The following IMMP2L variants were observed in gnomAD, a reference collection of about 807,000 sequenced individuals.
IMMP2L encodes the protein inner mitochondrial membrane peptidase subunit 2, also known as mitochondrial inner membrane protease subunit 2.
Under a neutral mutation model 19.3 loss-of-function variants are expected in IMMP2L, and 18 were observed. The ratio of observed to expected loss-of-function variants is 0.93; its 90% confidence interval spans 0.64 to 1.38. The LOEUF (loss-of-function observed/expected upper bound fraction) is 1.38. Ranked by LOEUF, IMMP2L falls within the 40% of genes most tolerant of loss-of-function variation. The pLI, the probability that IMMP2L is intolerant of heterozygous loss-of-function variation, is 0.00. For synonymous variants in IMMP2L, 76 were observed against 73.0 expected (o/e 1.04, Z -0.21); for missense variants, 233 against 218.2 (o/e 1.07, Z -0.43).
chr7:111,540,948 C>T (rs943463266), intron 1 of IMMP2L, among the ~76,000 whole-genome samples: 3 of 152,096 alleles, frequency 2.0e-5, no homozygotes, highest in Non-Finnish European at 2.9e-5. Flanking sequence ...TCTGATACTA[C>T]CTCTCCATGC....
intron 3 of IMMP2L, among the ~76,000 whole-genome samples, chr7:110,968,503 G>A (rs754317238): frequency 2.0e-5 from 3 of 151,994 alleles, no homozygotes; most frequent in South Asian, 2.1e-4. Flanking sequence ...GTGAAACCCC[G>A]TCTCTACAAA....
At chr7:110,851,509 A>C (rs1261170056) in intron 5 of IMMP2L, among the ~76,000 whole-genome samples, 1 of 152,152 alleles carries the variant, frequency 6.6e-6, no homozygotes, top group Non-Finnish European at 1.5e-5. Context: ...TGATTCTGAA[A>C]GACTGAGCAA....
intron 3 of IMMP2L, among the ~76,000 whole-genome samples, chr7:111,444,891 A>G (rs1342023074): frequency 6.6e-6 from 1 of 152,090 alleles, no homozygotes; most frequent in Non-Finnish European, 1.5e-5. Flanking sequence ...TCAGCATAAT[A>G]TCTATTGGAG....
At chr7:111,318,337 G>A (rs1470459637) in intron 3 of IMMP2L, among the ~76,000 whole-genome samples, 2 of 152,084 alleles carry the variant, frequency 1.3e-5, no homozygotes, top group Admixed American at 1.3e-4. Flanking sequence ...AACAGAAAAG[G>A]GGTTGAGCAC....
At chr7:111,009,693 A>C (rs1470721571) in intron 3 of IMMP2L, among the ~76,000 whole-genome samples, 1 of 152,172 alleles carries the variant, frequency 6.6e-6, no homozygotes, top group East Asian at 1.9e-4. Context: ...AAAATGGATA[A>C]AAAAAGGAAG....
chr7:111,140,254 A>C (rs1162272806), intron 3 of IMMP2L, among the ~76,000 whole-genome samples: 3 of 152,096 alleles, frequency 2.0e-5, no homozygotes, highest in Non-Finnish European at 2.9e-5. Flanking sequence ...GACTTCATTA[A>C]ATGTTGGCTT....
At chr7:110,968,899 C>A (rs745609559) in intron 3 of IMMP2L, among the ~76,000 whole-genome samples, 5 of 151,992 alleles carry the variant, frequency 3.3e-5, no homozygotes, top group Non-Finnish European at 5.9e-5. Context: ...ATAATAAATT[C>A]ATAAAGGAGA....
intron 5 of IMMP2L, among the ~76,000 whole-genome samples, chr7:110,787,313 C>T (rs949635282): frequency 2.6e-5 from 4 of 151,894 alleles, no homozygotes; most frequent in Non-Finnish European, 4.4e-5. Context: ...TATAAAGAAC[C>T]TTACAAAGCT....
chr7:110,744,322 T>G (rs1370267349), intron 5 of IMMP2L, among the ~76,000 whole-genome samples: 1 of 152,180 alleles, frequency 6.6e-6, no homozygotes, highest in Non-Finnish European at 1.5e-5. Flanking sequence ...AGGCGCAGCT[T>G]CAGCAGACTT....
chr7:110,920,426 A>G (rs1382463921), intron 4 of IMMP2L, among the ~76,000 whole-genome samples: 1 of 152,168 alleles, frequency 6.6e-6, no homozygotes, highest in Non-Finnish European at 1.5e-5. Flanking sequence ...GGAATTAGGG[A>G]ACATTTCACA....
chr7:110,735,201 G>A (rs1796537502), intron 5 of IMMP2L, among the ~76,000 whole-genome samples: 1 of 152,164 alleles, frequency 6.6e-6, no homozygotes, highest in Admixed American at 6.5e-5. Flanking sequence ...GCCTGCATGT[G>A]CACTAGGAAT....
intron 3 of IMMP2L, among the ~76,000 whole-genome samples, chr7:110,979,143 T>C (rs1820993034): frequency 1.3e-5 from 2 of 152,142 alleles, no homozygotes; most frequent in Admixed American, 6.5e-5. Context: ...ATATTTTACA[T>C]ATAACTTTTC....
In IMMP2L at chr7:110,803,136, T is replaced by C. The variant is rs1268753096; in HGVS notation, c.408+83457A>G. 2.6e-5 allele frequency among the ~76,000 whole-genome samples: 4 copies of C among 152,012 alleles called. No individual in the cohort carries two copies. The highest frequency in any genetic ancestry group is 7.2e-5 in the African/African-American group (3 of 41,408). ...CCTTGAAGGATGTATAGGATTAGGA[T>C]AGGTAAAAAGAGCAGTAATGGAGGG... On this transcript the variant is annotated intron_variant, in intron 5 of 5. Transcript: ENST00000405709. This position sits in a 1 kb window ranked among gnomAD's most constrained non-coding sequence, Gnocchi z 4.2.
intron 3 of IMMP2L, among the ~76,000 whole-genome samples, chr7:111,382,274 G>A (rs1831270778): frequency 6.6e-6 from 1 of 151,304 alleles, no homozygotes; most frequent in African/African-American, 2.5e-5. Flanking sequence ...AACTTTTTAA[G>A]GAAGTAACAT....
intron 3 of IMMP2L, among the ~76,000 whole-genome samples, chr7:111,306,787 G>C (rs1227660664): frequency 6.6e-6 from 1 of 151,556 alleles, no homozygotes; most frequent in Non-Finnish European, 1.5e-5. Context: ...TTTATCCTTT[G>C]GGCTGAATCA....
chr7:110,814,981 G>C (rs1428543040), intron 5 of IMMP2L, among the ~76,000 whole-genome samples: 1 of 151,892 alleles, frequency 6.6e-6, no homozygotes, highest in Non-Finnish European at 1.5e-5. Context: ...AGCAAGCCTC[G>C]TAAAACCACA....
chr7:111,401,146 A>G (rs543191436), intron 3 of IMMP2L, among the ~76,000 whole-genome samples: 1 of 152,206 alleles, frequency 6.6e-6, no homozygotes, highest in Admixed American at 6.5e-5. Flanking sequence ...TACCCCAAAA[A>G]CTCAGCCTCT....
chr7:111,338,989 C>CAA lies in IMMP2L; in HGVS notation c.239+148248_239+148249insTT, dbSNP rs1231854313. 9.2e-5 allele frequency among the ~76,000 whole-genome samples: 14 copies of CAA among 152,178 alleles called. No individual in the cohort carries two copies. The East Asian group carries it at 2.1e-3, about 23-fold the overall frequency. The stretch of plus-strand genomic sequence containing the variant: ...TTGATCCCAGTACACTACAAGTGAG[C>CAA]TCCTCTGGATTTTATTTGTACAAAC... On this transcript the variant is annotated intron_variant, in intron 3 of 5. Transcript: ENST00000405709.
intron 5 of IMMP2L, chr7:110,664,947 A>G (rs1291764432): frequency 2.6e-5 from 4 of 152,156 alleles, no homozygotes; most frequent in African/African-American, 4.8e-5. Context: ...TCTATTTGCT[A>G]TCGTATGTAT....
Sources: gnomAD v4.1 joint callset for allele counts (sites outside exome capture counted in the v4.1 genomes callset) on GRCh38, gnomAD v4.1.1 for gene constraint, Gnocchi (gnomAD v3.1) non-coding constraint, MANE v1.5 for transcripts, NCBI Gene and HGNC (gene_info 2026-07-23, HGNC 2026-07-21) for gene names.